Variants in RBFOX1 observed in about 807,000 individuals in gnomAD.
The protein encoded by RBFOX1 is RNA binding protein fox-1 homolog 1.
Under a neutral mutation model 57.7 loss-of-function variants are expected in RBFOX1, and 8 were observed. That is an observed-to-expected ratio of 0.14 (90% confidence interval 0.08 to 0.25). The LOEUF (loss-of-function observed/expected upper bound fraction) is 0.25. RBFOX1 is among the 10% of genes least tolerant of loss of function. RBFOX1 has a pLI of 1.00. For synonymous variants in RBFOX1, 326 were observed against 222.4 expected, an observed-to-expected ratio of 1.47 and a Z score of -4.15; for missense variants, 611 against 548.5, an observed-to-expected ratio of 1.11 and a Z score of -1.14.
intron 5 of RBFOX1, among the ~76,000 whole-genome samples, chr16:7,559,235 C>T (rs543776318): frequency 6.6e-6 from 1 of 152,168 alleles, no homozygotes; most frequent in Non-Finnish European, 1.5e-5. Flanking sequence ...TGGTGAGCCT[C>T]TCCATCAGAA....
intron 3 of RBFOX1, among the ~76,000 whole-genome samples, chr16:6,996,974 A>T (rs2092308841): frequency 1.3e-5 from 2 of 152,298 alleles, no homozygotes; most frequent in Non-Finnish European, 2.9e-5. Flanking sequence ...TATAGGCAGC[A>T]TTGAAGATTT....
chr16:6,116,231 G>A (rs1340834681), intron 1 of RBFOX1, among the ~76,000 whole-genome samples: 1 of 150,794 alleles, frequency 6.6e-6, no homozygotes, highest in Non-Finnish European at 1.5e-5. Flanking sequence ...AGAACACATG[G>A]ACACAGGGAG....
At chr16:6,844,860 T>C (rs989983001) in intron 3 of RBFOX1, among the ~76,000 whole-genome samples, 1 of 152,168 alleles carries the variant, frequency 6.6e-6, no homozygotes, top group Non-Finnish European at 1.5e-5. Flanking sequence ...TTTTTAATAT[T>C]TTTATTAGTA....
intron 1 of RBFOX1, among the ~76,000 whole-genome samples, chr16:5,408,698 G>C (rs1369560968): frequency 1.3e-5 from 2 of 152,248 alleles, no homozygotes; most frequent in Non-Finnish European, 2.9e-5. Flanking sequence ...TAGGCATGGT[G>C]CCAGCATCTG....
intron 3 of RBFOX1, among the ~76,000 whole-genome samples, chr16:6,781,430 C>T (rs548473254): frequency 2.2e-4 from 33 of 152,070 alleles, no homozygotes; most frequent in African/African-American, 7.7e-4. Context: ...TTAGGATAAT[C>T]CTGATCCTGT....
chr16:7,050,079 A>G (rs867836321), intron 3 of RBFOX1, among the ~76,000 whole-genome samples: 2 of 151,396 alleles, frequency 1.3e-5, no homozygotes, highest in Admixed American at 6.6e-5. Context: ...TCCCTACTTC[A>G]TCTTTTAACA....
At chr16:5,826,592 A>T (rs934992155) in intron 3 of RBFOX1, among the ~76,000 whole-genome samples, 2 of 152,240 alleles carry the variant, frequency 1.3e-5, no homozygotes, top group Non-Finnish European at 2.9e-5. Flanking sequence ...TTACAAAAGC[A>T]AGAGCTGGGC....
At chr16:6,199,693 G>A (rs1598308654) in intron 1 of RBFOX1, among the ~76,000 whole-genome samples, 1 of 152,056 alleles carries the variant, frequency 6.6e-6, no homozygotes, top group South Asian at 2.1e-4. Context: ...ACTTCTTTGG[G>A]GAGAGATGAG....
intron 2 of RBFOX1, among the ~76,000 whole-genome samples, chr16:5,510,513 G>A (rs1269407345): frequency 6.6e-6 from 1 of 151,906 alleles, no homozygotes; most frequent in African/African-American, 2.4e-5. Flanking sequence ...TTTGGCCAAA[G>A]CAAGTCGCGT....
chr16:6,316,595 T>A (rs1457564092), intron 1 of RBFOX1, among the ~76,000 whole-genome samples: 1 of 152,172 alleles, frequency 6.6e-6, no homozygotes, highest in Non-Finnish European at 1.5e-5. Flanking sequence ...CAACCTCCAG[T>A]CTTACCTTGA....
intron 4 of RBFOX1, among the ~76,000 whole-genome samples, chr16:7,446,096 C>G (rs781021565): frequency 2.6e-5 from 4 of 152,176 alleles, no homozygotes; most frequent in Non-Finnish European, 4.4e-5. Flanking sequence ...TTAACTGGGA[C>G]TTAACTCCTT....
intron 3 of RBFOX1, among the ~76,000 whole-genome samples, chr16:5,745,211 C>A (rs545646534): frequency 4.4e-4 from 67 of 152,154 alleles, no homozygotes; most frequent in African/African-American, 1.5e-3. Flanking sequence ...TTGTCCTTTG[C>A]GATAGTTTGC....
At chr16:5,793,463 C>T (rs1156281812) in intron 3 of RBFOX1, among the ~76,000 whole-genome samples, 3 of 152,200 alleles carry the variant, frequency 2.0e-5, no homozygotes, top group African/African-American at 4.8e-5. Flanking sequence ...GGCTTCATGC[C>T]GCTAAGAGGT....
At chr16:7,016,701 A>G (rs1346222148) in intron 3 of RBFOX1, among the ~76,000 whole-genome samples, 1 of 152,208 alleles carries the variant, frequency 6.6e-6, no homozygotes, top group Non-Finnish European at 1.5e-5. Context: ...ACTGATGCCT[A>G]TTCCCGTATT....
rs149509512 is a variant in RBFOX1 at position 6,760,916 on chromosome 16, G to C, written c.-16+106266G>C. On this transcript the variant is annotated intron_variant, in intron 3 of 15. Transcript: ENST00000550418. ...AATGGATAGATCTTCCTAGCACTGC[G>C]TCTGGTCAATGCCACCCATCAGGAT... is the stretch of plus-strand genomic sequence containing the variant. 1.9e-3 allele frequency among the ~76,000 whole-genome samples: 287 copies of C among 152,238 alleles called. 1 individual carries two copies. The highest frequency in any genetic ancestry group is 6.7e-3 in the African/African-American group (279 of 41,542).
chr16:6,896,239 C>T (rs937129147), intron 3 of RBFOX1, among the ~76,000 whole-genome samples: 3 of 152,168 alleles, frequency 2.0e-5, no homozygotes, highest in Non-Finnish European at 4.4e-5. Flanking sequence ...TGCCACTGCA[C>T]TGTGCAGTTT....
intron 3 of RBFOX1, among the ~76,000 whole-genome samples, chr16:6,759,828 A>G (rs565519023): frequency 1.3e-5 from 2 of 152,328 alleles, no homozygotes; most frequent in African/African-American, 4.8e-5. Context: ...GATTGTTTAT[A>G]ATAGCAAGAC....
At chr16:6,459,746 G>A (rs906235209) in intron 2 of RBFOX1, among the ~76,000 whole-genome samples, 1 of 151,880 alleles carries the variant, frequency 6.6e-6, no homozygotes, top group Non-Finnish European at 1.5e-5. Context: ...GGAGGCTGAG[G>A]TGGGCGGATC....
chr16:7,665,767 C>A (rs985961177), intron 13 of RBFOX1, among the ~76,000 whole-genome samples: 1 of 152,034 alleles, frequency 6.6e-6, no homozygotes, highest in Non-Finnish European at 1.5e-5. Context: ...ATTTTTATTA[C>A]AAAAGACCTC....
Sources: allele counts gnomAD v4.1 joint callset (sites outside exome capture counted in the v4.1 genomes callset), GRCh38; gene constraint gnomAD v4.1.1; transcripts MANE v1.5; gene names NCBI Gene and HGNC (gene_info 2026-07-23, HGNC 2026-07-21).